GLIS3: variants seen among roughly 807,000 people sequenced by gnomAD.
The protein encoded by GLIS3 is zinc finger protein GLIS3.
Under a neutral mutation model 78.6 loss-of-function variants are expected in GLIS3, and 53 were observed. The ratio of observed to expected loss-of-function variants is 0.67; its 90% CI spans 0.54 to 0.85. The LOEUF (loss-of-function observed/expected upper bound fraction) is 0.85, where lower values mean the gene tolerates loss of function less well. GLIS3 is among the 40% of genes least tolerant of loss of function. The probability of loss-of-function intolerance (pLI) is 0.00; values close to 1 mark genes in which losing one functional copy is unlikely to be tolerated. For missense variants in GLIS3, 1,703 were observed against 1,231.1 expected (o/e 1.38, Z -5.74); for synonymous variants, 684 against 509.9 (o/e 1.34, Z -4.60).
At chr9:4,272,753 G>A (rs149344490) in intron 2 of GLIS3, among the ~76,000 whole-genome samples, 18 of 152,282 alleles carry the variant, frequency 1.2e-4, no homozygotes, top group Admixed American at 6.5e-4. Context: ...ATCCTTTCAA[G>A]TAGGTTGAAT....
chr9:3,984,696 T>G, intron 4 of GLIS3, among the ~76,000 whole-genome samples: 1 of 152,140 alleles, frequency 6.6e-6, no homozygotes, highest in Non-Finnish European at 1.5e-5. Flanking sequence ...ACATAAAATT[T>G]TGGAGGGGCC....
intron 2 of GLIS3, among the ~76,000 whole-genome samples, chr9:4,343,075 A>T (rs1372177048): frequency 1.3e-5 from 2 of 152,236 alleles, no homozygotes; most frequent in Non-Finnish European, 2.9e-5. Context: ...ATGGTGGCTC[A>T]TGCCTACAAT....
At chr9:3,995,480 G>GAAAACACAGAAAACACAGA (rs1420613126) in intron 4 of GLIS3, among the ~76,000 whole-genome samples, 2 of 151,790 alleles carry the variant, frequency 1.3e-5, no homozygotes, top group Non-Finnish European at 2.9e-5. Context: ...ACACAGTGTA[G>GAAAACACAGAAAACACAGA]AAAATAACTG....
the GLIS3 span, among the ~76,000 whole-genome samples, chr9:4,473,328 C>G: frequency 6.6e-6 from 1 of 151,946 alleles, no homozygotes; most frequent in Non-Finnish European, 1.5e-5. Context: ...CGCCTGGAAT[C>G]CCAGCTACTC....
rs922114294 is a variant in GLIS3 at position 4,112,829 on chromosome 9, A to G, written c.1710+4939T>C. Among the ~76,000 whole-genome samples the G allele has an allele frequency of 5.9e-5, 9 of 152,154 alleles. 1 individual carries two copies. The highest frequency in any genetic ancestry group is 1.2e-4 in the Non-Finnish European group (8 of 68,014). On this transcript the variant is annotated intron_variant, in intron 4 of 10. Transcript: ENST00000381971. Reference sequence around the variant, plus strand: ...ATACCAAATACTATAACAGACACCTATGACACCTATATTACCACCATTAGG... The same window carrying G: ...ATACCAAATACTATAACAGACACCTGTGACACCTATATTACCACCATTAGG...
At chr9:4,128,619 A>T (rs997595720) in intron 2 of GLIS3, among the ~76,000 whole-genome samples, 1 of 152,134 alleles carries the variant, frequency 6.6e-6, no homozygotes, top group South Asian at 2.1e-4. Flanking sequence ...AAACAAAAAA[A>T]CTCCAAGTCA....
At chr9:4,170,501 C>G (rs765216097) in intron 2 of GLIS3, among the ~76,000 whole-genome samples, 5 of 152,146 alleles carry the variant, frequency 3.3e-5, no homozygotes, top group Non-Finnish European at 7.4e-5. Context: ...TTCCACATGC[C>G]ATGTACAGTG....
intron 9 of GLIS3, among the ~76,000 whole-genome samples, chr9:3,846,547 T>G (rs1819057245): frequency 6.6e-6 from 1 of 152,228 alleles, no homozygotes; most frequent in Non-Finnish European, 1.5e-5. Flanking sequence ...TCTATTAAAC[T>G]TGAGAACCTC....
At chr9:4,183,633 T>G (rs1563714251) in intron 2 of GLIS3, among the ~76,000 whole-genome samples, 1 of 152,226 alleles carries the variant, frequency 6.6e-6, no homozygotes, top group Non-Finnish European at 1.5e-5. Flanking sequence ...GGACACTGAT[T>G]AGATTTACTT....
intron 2 of GLIS3, among the ~76,000 whole-genome samples, chr9:4,195,439 C>A (rs1227613051): frequency 6.6e-6 from 1 of 152,202 alleles, no homozygotes. Context: ...GCTTAGCACC[C>A]GGGCCAGCAG....
chr9:4,325,206 C>G (rs1817583167), intron 2 of GLIS3, among the ~76,000 whole-genome samples: 2 of 152,158 alleles, frequency 1.3e-5, no homozygotes, highest in East Asian at 3.8e-4. Context: ...GCTGCAAATA[C>G]AATCACATTT....
chr9:4,181,799 C>A (rs1233564300), intron 2 of GLIS3, among the ~76,000 whole-genome samples: 1 of 152,178 alleles, frequency 6.6e-6, no homozygotes, highest in Non-Finnish European at 1.5e-5. Context: ...GAAGTCTAGG[C>A]TAGCATCCTT....
Position 3,856,155 on chromosome 9 carries a change from T to C in GLIS3, c.2327A>G (p.His776Arg), listed in dbSNP as rs757230523. The C allele has an allele frequency of 6.2e-7, 1 of 1,613,910 alleles. No individual in the cohort carries two copies. Among genetic ancestry groups the C allele is most frequent in the African/African-American group, 1.3e-5 (1 of 74,880 alleles). Residue 776 changes from histidine (H) to arginine (R), a missense_variant, in exon 9 of 11, where the codon CAC becomes CGC. Transcript: ENST00000381971. Reference protein sequence around the residue: ...RFAPSAPSPHHISPRRVPAPS... With the variant: ...RFAPSAPSPHRISPRRVPAPS... ...AGCTGGAACTCTCCGGGGGCTGATGTGGTGAGGAGATGGAGCAGAAGGTGC... is the reference window on the plus strand; with the variant it reads ...AGCTGGAACTCTCCGGGGGCTGATGCGGTGAGGAGATGGAGCAGAAGGTGC...
At chr9:4,223,189 G>C (rs1821480574) in intron 2 of GLIS3, among the ~76,000 whole-genome samples, 1 of 152,136 alleles carries the variant, frequency 6.6e-6, no homozygotes, top group African/African-American at 2.4e-5. Flanking sequence ...AAAACGAATT[G>C]AACATCCGCA....
chr9:4,281,162 G>T (rs530046581), intron 2 of GLIS3, among the ~76,000 whole-genome samples: 1 of 152,262 alleles, frequency 6.6e-6, no homozygotes, highest in Admixed American at 6.5e-5. Context: ...ATACTAATGG[G>T]ATGTGTGTTA....
chr9:4,392,095 CAGGGACATGG>C, the GLIS3 span, among the ~76,000 whole-genome samples: 2 of 152,120 alleles, frequency 1.3e-5, no homozygotes, highest in Non-Finnish European at 2.9e-5. Flanking sequence ...ATGTCCTTTG[CAGGGACATGG>C]ATGAACCTGA....
chr9:3,944,640 T>G (rs542745561), intron 4 of GLIS3, among the ~76,000 whole-genome samples: 2 of 152,232 alleles, frequency 1.3e-5, no homozygotes, highest in African/African-American at 2.4e-5. Flanking sequence ...TAAGAGCATG[T>G]ATACTTCAGG....
the GLIS3 span, among the ~76,000 whole-genome samples, chr9:4,417,370 G>C: frequency 6.6e-6 from 1 of 152,240 alleles, no homozygotes; most frequent in East Asian, 1.9e-4. Context: ...GTCTCTGTTT[G>C]TATATATGTA....
chr9:3,968,174 G>A (rs1441218799), intron 4 of GLIS3, among the ~76,000 whole-genome samples: 3 of 152,164 alleles, frequency 2.0e-5, no homozygotes, highest in Non-Finnish European at 4.4e-5. Flanking sequence ...CTAAGGGGGT[G>A]AAGACCTTGG....
Sources: gnomAD v4.1 joint callset for allele counts (sites outside exome capture counted in the v4.1 genomes callset) on GRCh38, gnomAD v4.1.1 for gene constraint, MANE v1.5 for transcripts, NCBI Gene and HGNC (gene_info 2026-07-23, HGNC 2026-07-21) for gene names.